Variants in RASEF observed in about 807,000 individuals in gnomAD.
RASEF encodes RAS and EF-hand domain containing.
A neutral mutation model predicts 90.1 loss-of-function variants in RASEF; 68 were observed. The ratio of observed to expected loss-of-function variants is 0.75; its 90% CI spans 0.62 to 0.92. The LOEUF is 0.92. RASEF is among the 40% of genes least tolerant of loss of function. The probability of loss-of-function intolerance (pLI) is 0.00; values close to 1 mark genes in which losing one functional copy is unlikely to be tolerated. For synonymous variants in RASEF, 331 were observed against 345.2 expected, an observed-to-expected ratio of 0.96 and a Z score of 0.46; for missense variants, 949 against 937.2, an observed-to-expected ratio of 1.01 and a Z score of -0.16.
At chr9:83,189,594 G>A in the RASEF span, among the ~76,000 whole-genome samples, 651 of 152,266 alleles carry the variant, frequency 4.3e-3, 6 homozygotes, top group African/African-American at 0.014. Flanking sequence ...TCAACATGGT[G>A]CCCTTCTGGG....
At chr9:83,113,819 A>G in the RASEF span, among the ~76,000 whole-genome samples, 3 of 152,184 alleles carry the variant, frequency 2.0e-5, no homozygotes, top group African/African-American at 7.2e-5. Context: ...CAATACGTGC[A>G]CAGTGGGACA....
the RASEF span, among the ~76,000 whole-genome samples, chr9:83,151,103 G>GT: frequency 6.8e-4 from 91 of 133,960 alleles, no homozygotes; most frequent in South Asian, 1.8e-3. Flanking sequence ...ATCAAAAGTT[G>GT]TTTTTTTTTT....
At chr9:83,064,928 C>T (rs886444464), upstream of RASEF, among the ~76,000 whole-genome samples, 3 of 152,078 alleles carry the variant, frequency 2.0e-5, no homozygotes, top group African/African-American at 7.2e-5. Flanking sequence ...ATTAGCTGGG[C>T]GTGGTGGCGG....
At chr9:83,130,599 C>G in the RASEF span, among the ~76,000 whole-genome samples, 3 of 152,182 alleles carry the variant, frequency 2.0e-5, no homozygotes, top group African/African-American at 7.2e-5. Context: ...ATGGGAGCAA[C>G]ACACTAGCTT....
At chr9:83,141,723 A>G in the RASEF span, among the ~76,000 whole-genome samples, 4 of 152,156 alleles carry the variant, frequency 2.6e-5, no homozygotes, top group Non-Finnish European at 4.4e-5. Flanking sequence ...CACGTGCCCA[A>G]TGGCATTGGT....
intron 1 of RASEF, among the ~76,000 whole-genome samples, chr9:83,028,248 T>C (rs145059672): frequency 0.011 from 1,697 of 152,348 alleles, 111 homozygotes; most frequent in Admixed American, 0.1. Flanking sequence ...ATAATTCTTA[T>C]GTTTGGTGAT....
At chr9:83,100,337 T>C in the RASEF span, among the ~76,000 whole-genome samples, 51 of 152,330 alleles carry the variant, frequency 3.3e-4, no homozygotes, top group African/African-American at 1.2e-3. Context: ...GAGCCCAAGA[T>C]GAAGCTAGTA....
chr9:83,082,335 G>A, the RASEF span, among the ~76,000 whole-genome samples: 1 of 152,112 alleles, frequency 6.6e-6, no homozygotes. Context: ...CACTACCATT[G>A]GTATCCCAGG....
In RASEF at chr9:83,006,411, T is replaced by C. The variant is rs183499783; in HGVS notation, c.1029-911A>G. Among the ~76,000 whole-genome samples, 6 of 152,296 alleles carry C rather than the reference T, an allele frequency of 3.9e-5. No individual in the cohort carries two copies. The East Asian group carries it at 1.2e-3, about 29-fold the overall frequency. ...CCTGTAAGAGGTGCTGACAAATCTG[T>C]TGAATGAATGAATAAATAAAATAAC... is the stretch of plus-strand genomic sequence containing the variant. On this transcript the variant is annotated intron_variant, in intron 7 of 16. Transcript: ENST00000376447.
chr9:83,055,636 A>T (rs1380778119), intron 1 of RASEF: 3 of 718,126 alleles, frequency 4.2e-6, no homozygotes, highest in Non-Finnish European at 7.8e-6. Context: ...CAGTGTTATG[A>T]GATGCCTCAC....
At chr9:82,996,954 C>T (rs1319273283) in intron 14 of RASEF, 58 bp downstream of exon 14, 3 of 984,130 alleles carry the variant, frequency 3.0e-6, no homozygotes, top group Non-Finnish European at 3.3e-6. Context: ...ACAGCATTTT[C>T]CAAGATGGCC....
chr9:83,100,142 C>T, the RASEF span, among the ~76,000 whole-genome samples: 2 of 152,294 alleles, frequency 1.3e-5, no homozygotes, highest in Admixed American at 6.5e-5. Context: ...CTTCCCAGAA[C>T]TTTGAGCTTG....
intron 1 of RASEF, among the ~76,000 whole-genome samples, chr9:83,046,745 T>C (rs1338764698): frequency 6.6e-6 from 1 of 152,206 alleles, no homozygotes. Context: ...GACGACTGTG[T>C]CATCCCAGGG....
At chr9:82,984,182 G>A (rs1181816340) in intron 16 of RASEF, among the ~76,000 whole-genome samples, 3 of 152,022 alleles carry the variant, frequency 2.0e-5, no homozygotes, top group Non-Finnish European at 2.9e-5. Flanking sequence ...AAAAGAAATA[G>A]GTAAAATTAA....
chr9:83,214,799 C>A, the RASEF span, among the ~76,000 whole-genome samples: 18 of 152,066 alleles, frequency 1.2e-4, no homozygotes, highest in African/African-American at 3.4e-4. Flanking sequence ...GCCTCCCCAG[C>A]CATGTAGAAC....
At chr9:83,022,585 T>C (rs1208298597) in intron 2 of RASEF, among the ~76,000 whole-genome samples, 159 bp from the exon 3 acceptor site, 1 of 152,210 alleles carries the variant, frequency 6.6e-6, no homozygotes, top group East Asian at 1.9e-4. Context: ...TAAAATGAGA[T>C]TGGCAATTCG....
At chr9:83,029,429 G>A (rs377713174) in intron 1 of RASEF, among the ~76,000 whole-genome samples, 55 of 140,510 alleles carry the variant, frequency 3.9e-4, no homozygotes, top group African/African-American at 1.4e-3. Context: ...GTCTCGCTCT[G>A]TCACCCAGGC....
the RASEF span, among the ~76,000 whole-genome samples, chr9:83,179,699 C>G: frequency 8.6e-3 from 1,313 of 152,208 alleles, 22 homozygotes; most frequent in African/African-American, 0.03. Flanking sequence ...TGCAAATAAG[C>G]TTCTCTGATA....
chr9:82,984,411 A>G (rs1420810965), intron 16 of RASEF, among the ~76,000 whole-genome samples: 1 of 152,174 alleles, frequency 6.6e-6, no homozygotes, highest in Non-Finnish European at 1.5e-5. Context: ...GATAAATCCT[A>G]CCTTTCGAAA....
Sources: allele counts gnomAD v4.1 joint callset (sites outside exome capture counted in the v4.1 genomes callset), GRCh38; gene constraint gnomAD v4.1.1; transcripts MANE v1.5; gene names NCBI Gene and HGNC (gene_info 2026-07-23, HGNC 2026-07-21).